Variants in DTNA observed in about 807,000 individuals in gnomAD.
The protein encoded by DTNA is dystrobrevin alpha.
In DTNA, 43 loss-of-function variants were observed where a neutral mutation model predicts 100.7. That is an observed-to-expected ratio of 0.43 (90% CI 0.33 to 0.55). DTNA has a LOEUF of 0.55. DTNA is among the 20% of genes least tolerant of loss of function. The pLI is 0.04. For synonymous variants in DTNA, 349 were observed against 347.9 expected (o/e 1.00, Z -0.04); for missense variants, 798 against 953.9 (o/e 0.84, Z 2.15).
intron 1 of DTNA, among the ~76,000 whole-genome samples, chr18:34,680,214 T>C (rs1600094898): frequency 6.6e-6 from 1 of 152,320 alleles, no homozygotes; most frequent in East Asian, 1.9e-4. Context: ...AGCTTTGTTT[T>C]GTCTGGCCAT....
chr18:34,682,825 G>A (rs993087659), intron 1 of DTNA, among the ~76,000 whole-genome samples: 10 of 150,920 alleles, frequency 6.6e-5, no homozygotes, highest in Admixed American at 6.0e-4. Flanking sequence ...TTCAAGGTTT[G>A]TTTTTTTAAA....
intron 4 of DTNA, among the ~76,000 whole-genome samples, chr18:34,801,542 C>T (rs1187877181): frequency 6.9e-6 from 1 of 144,716 alleles, no homozygotes; most frequent in African/African-American, 2.6e-5. Context: ...GATGGAGTCT[C>T]GCTCTGTCAA....
intron 1 of DTNA, among the ~76,000 whole-genome samples, chr18:34,655,381 T>C (rs1447354480): frequency 6.6e-6 from 1 of 152,122 alleles, no homozygotes; most frequent in Admixed American, 6.5e-5. Flanking sequence ...CCACCTCCAC[T>C]TGCCTGCTCA....
At chr18:34,872,924 G>C (rs889367785) in intron 17 of DTNA, among the ~76,000 whole-genome samples, 1 of 152,160 alleles carries the variant, frequency 6.6e-6, no homozygotes, top group Non-Finnish European at 1.5e-5. Context: ...TAAAGACTGG[G>C]GATCAATTTT....
chr18:34,781,949 G>A (rs2094341746), intron 3 of DTNA, among the ~76,000 whole-genome samples: 1 of 152,198 alleles, frequency 6.6e-6, no homozygotes, highest in Admixed American at 6.5e-5. Context: ...CCTCATGGCT[G>A]CCAGCCCTAT....
rs144672403 is a variant in DTNA, at chr18:34,739,927, C to T, written c.-1-16049C>T. Reference sequence around the variant, plus strand: ...CACACACCATTCTTGTTTGCCCTGACGTGTTATGCAGGTCTGGCTTTTATT... The same window carrying T: ...CACACACCATTCTTGTTTGCCCTGATGTGTTATGCAGGTCTGGCTTTTATT... On this transcript the variant is annotated intron_variant, in intron 1 of 22. Coordinates refer to ENST00000444659, the MANE Select transcript of DTNA (RefSeq NM_001386795.1). Among the ~76,000 whole-genome samples, 4 of 152,170 alleles carry T rather than the reference C, an allele frequency of 2.6e-5. No homozygotes were observed. The East Asian group carries it at 7.7e-4, about 29-fold the overall frequency.
intron 7 of DTNA, 93 bp from the exon 8 acceptor site, chr18:34,818,071 G>C: frequency 6.2e-7 from 1 of 1,607,724 alleles, no homozygotes; most frequent in Non-Finnish European, 8.5e-7. Context: ...GTGGTGCAGA[G>C]AAGAAAGGTG....
At chr18:34,536,971 C>CT (rs76124555) in intron 1 of DTNA, among the ~76,000 whole-genome samples, 132,477 of 151,860 alleles carry the variant, frequency 0.87, 58,053 homozygotes, top group Middle Eastern at 0.95. Context: ...CAGCCAGCTG[C>CT]TTTTATACTA....
At chr18:34,557,418 C>A (rs1475376081) in intron 1 of DTNA, among the ~76,000 whole-genome samples, 1 of 152,018 alleles carries the variant, frequency 6.6e-6, no homozygotes, top group Non-Finnish European at 1.5e-5. Flanking sequence ...TGAGGAACTG[C>A]GTTCCTTTGG....
At chr18:34,829,597 G>C in intron 11 of DTNA, 108 bp downstream of exon 11, 1 of 1,173,638 alleles carries the variant, frequency 8.5e-7, no homozygotes, top group South Asian at 1.9e-5. Context: ...TCTTATTGGA[G>C]ATAGAGGTCT....
At chr18:34,807,402 A>T (rs1249893779) in intron 5 of DTNA, among the ~76,000 whole-genome samples, 2 of 152,128 alleles carry the variant, frequency 1.3e-5, no homozygotes, top group East Asian at 3.9e-4. Context: ...GGATTTTGTA[A>T]GATACCCATA....
At chr18:34,864,428 T>C (rs1256892639) in intron 17 of DTNA, among the ~76,000 whole-genome samples, 1 of 152,048 alleles carries the variant, frequency 6.6e-6, no homozygotes, top group African/African-American at 2.4e-5. Flanking sequence ...TAATGTTTTG[T>C]ATTTTTAGTA....
intron 1 of DTNA, among the ~76,000 whole-genome samples, chr18:34,548,159 C>T (rs2045004884): frequency 6.6e-6 from 1 of 152,108 alleles, no homozygotes; most frequent in South Asian, 2.1e-4. Flanking sequence ...TCCTCCTCTT[C>T]CATGCTGCCT....
chr18:34,676,747 A>T (rs1278164349), intron 1 of DTNA, among the ~76,000 whole-genome samples: 4 of 152,182 alleles, frequency 2.6e-5, no homozygotes, highest in Admixed American at 2.0e-4. Flanking sequence ...AGATGGGAAG[A>T]TTGCTTGAGC....
intron 6 of DTNA, among the ~76,000 whole-genome samples, chr18:34,813,241 C>T (rs996318337): frequency 1.3e-5 from 2 of 151,996 alleles, no homozygotes; most frequent in African/African-American, 4.8e-5. Context: ...TTTGGGAGGC[C>T]GAGGCTCAGG....
chr18:34,622,638 G>C (rs1028057865), intron 1 of DTNA, among the ~76,000 whole-genome samples: 1 of 152,226 alleles, frequency 6.6e-6, no homozygotes, highest in Non-Finnish European at 1.5e-5. Flanking sequence ...CCAAAACAGA[G>C]ACAAGGTGAA....
chr18:34,600,415 A>C (rs1311173391), intron 1 of DTNA, among the ~76,000 whole-genome samples: 11 of 152,196 alleles, frequency 7.2e-5, no homozygotes, highest in African/African-American at 2.7e-4. Context: ...TTTAAGTCTC[A>C]GTTTATTTTT....
chr18:34,889,256 C>G lies in DTNA; in HGVS notation c.*1522C>G, dbSNP rs1015154738. On this transcript the variant is annotated 3_prime_UTR_variant, in exon 23 of 23. Coordinates refer to ENST00000444659, the MANE Select transcript of DTNA (RefSeq NM_001386795.1). ...AGAACAATAGTTCTCAAAGTGTGTT[C>G]CCCGGACAAGCAGCATCTGCAACAC... The G allele has an allele frequency of 1.0e-6, 1 of 984,954 alleles. No individual in the cohort carries two copies. Among genetic ancestry groups the G allele is most frequent in the Non-Finnish European group, 1.2e-6 (1 of 829,732 alleles). 61.0% of individuals were successfully genotyped at this position (984,954 alleles called of 1,614,324 possible).
chr18:34,659,633 GAC>G (rs58171317), intron 1 of DTNA, among the ~76,000 whole-genome samples: 8,669 of 146,590 alleles, frequency 0.059, 597 homozygotes, highest in African/African-American at 0.18. Flanking sequence ...GACACACACA[GAC>G]ACACACACAC....
Sources: allele counts gnomAD v4.1 joint callset (sites outside exome capture counted in the v4.1 genomes callset), GRCh38; gene constraint gnomAD v4.1.1; transcripts MANE v1.5; gene names NCBI Gene and HGNC (gene_info 2026-07-23, HGNC 2026-07-21).